Variants in ZRANB3 observed in about 807,000 individuals in gnomAD.
ZRANB3 encodes DNA annealing helicase and endonuclease ZRANB3.
ZRANB3 carries 125 observed loss-of-function variants against 133.8 expected under a neutral mutation model. The ratio of observed to expected loss-of-function variants is 0.93; its 90% CI spans 0.81 to 1.08. ZRANB3 has a LOEUF of 1.08. Ranked by LOEUF, ZRANB3 falls within the 50% of genes least tolerant of loss-of-function variation. ZRANB3 has a pLI of 0.00. For synonymous variants in ZRANB3, 387 were observed against 432.7 expected, an observed-to-expected ratio of 0.89 and a Z score of 1.31; for missense variants, 1,229 against 1,275.5, an observed-to-expected ratio of 0.96 and a Z score of 0.56.
At chr2:135,509,865 T>C (rs1162558795) in intron 1 of ZRANB3, among the ~76,000 whole-genome samples, 1 of 152,206 alleles carries the variant, frequency 6.6e-6, no homozygotes, top group Non-Finnish European at 1.5e-5. Context: ...AATTGTCAAA[T>C]TTTCCAAATT....
At chr2:135,218,755 T>G (rs1694419019) in intron 16 of ZRANB3, among the ~76,000 whole-genome samples, 1 of 152,146 alleles carries the variant, frequency 6.6e-6, no homozygotes, top group African/African-American at 2.4e-5. Flanking sequence ...TTAACCTTAA[T>G]AGAAAAAATG....
chr2:135,225,826 T>G (rs986676928), intron 14 of ZRANB3, among the ~76,000 whole-genome samples: 1 of 152,198 alleles, frequency 6.6e-6, no homozygotes, highest in South Asian at 2.1e-4. Context: ...ATATCTTATT[T>G]TCTTGTAAAG....
chr2:135,391,578 C>A (rs138146622), intron 2 of ZRANB3, among the ~76,000 whole-genome samples: 2,028 of 148,540 alleles, frequency 0.014, 34 homozygotes, highest in South Asian at 0.041. Flanking sequence ...GTTTTTATTT[C>A]TTTCTTTTTT....
At chr2:135,241,362 GTTCT>G (rs994235237) in intron 12 of ZRANB3, among the ~76,000 whole-genome samples, 7 of 119,048 alleles carry the variant, frequency 5.9e-5, no homozygotes, top group African/African-American at 2.3e-4. Context: ...GTTATTCTCT[GTTCT>G]TTTTTTTTTT....
chr2:135,513,612 G>C (rs567501961), intron 1 of ZRANB3, among the ~76,000 whole-genome samples: 1 of 152,234 alleles, frequency 6.6e-6, no homozygotes, highest in South Asian at 2.1e-4. Flanking sequence ...ACTTCAAGGA[G>C]AAAACACAAG....
At chr2:135,458,889 G>A (rs1346748055) in intron 2 of ZRANB3, among the ~76,000 whole-genome samples, 2 of 151,920 alleles carry the variant, frequency 1.3e-5, no homozygotes. Flanking sequence ...TATAAAAAGG[G>A]ACAGAAAGAA....
At chr2:135,501,399 C>A (rs1468649080) in intron 2 of ZRANB3, among the ~76,000 whole-genome samples, 1 of 152,072 alleles carries the variant, frequency 6.6e-6, no homozygotes, top group African/African-American at 2.4e-5. Flanking sequence ...CTAACAATAG[C>A]ACTATTATTC....
chr2:135,473,075 G>A (rs1691346740), intron 2 of ZRANB3, among the ~76,000 whole-genome samples: 1 of 152,048 alleles, frequency 6.6e-6, no homozygotes, highest in Non-Finnish European at 1.5e-5. Context: ...TCACTTTGTT[G>A]TGCAACCTTC....
In ZRANB3 at chr2:135,310,961, C is replaced by CAA. The variant is rs200752512; in HGVS notation, c.966+2526_966+2527dup. On this transcript the variant is annotated intron_variant, in intron 8 of 20. Transcript: ENST00000264159. ...CAAAAATTTCTTAGGACTCAAAATA[C>CAA]AAAAAAAAAAAGGAAGAAAAAAATT... 1.6e-3 allele frequency among the ~76,000 whole-genome samples: 181 copies of CAA among 114,922 alleles called. 1 individual carries two copies. Among genetic ancestry groups the CAA allele is most frequent in the African/African-American group, 5.0e-3 (164 of 32,770 alleles). The allele number at this position is 114,922 out of a possible 152,430, so 75.4% of individuals were successfully genotyped here.
chr2:135,200,689 A>C (rs1217090388), intron 20 of ZRANB3, among the ~76,000 whole-genome samples: 1 of 151,764 alleles, frequency 6.6e-6, no homozygotes, highest in Non-Finnish European at 1.5e-5. Context: ...CTTGCTACCC[A>C]GCAACAGCAT....
intron 2 of ZRANB3, among the ~76,000 whole-genome samples, chr2:135,402,490 T>C (rs570704659): frequency 6.6e-6 from 1 of 151,816 alleles, no homozygotes; most frequent in East Asian, 1.9e-4. Context: ...GAGATGGGGA[T>C]TCACCGTGTT....
At chr2:135,468,300 G>C (rs994996138) in intron 2 of ZRANB3, among the ~76,000 whole-genome samples, 10 of 152,098 alleles carry the variant, frequency 6.6e-5, no homozygotes, top group Admixed American at 2.0e-4. Flanking sequence ...TACCTGAAAT[G>C]ACCTCATAAA....
intron 3 of ZRANB3, chr2:135,355,303 C>T (rs1383477176): frequency 1.0e-6 from 1 of 982,884 alleles, no homozygotes; most frequent in Non-Finnish European, 1.2e-6. Context: ...ACTCAAACAT[C>T]ACTGGATTCT....
intron 12 of ZRANB3, among the ~76,000 whole-genome samples, chr2:135,262,247 C>T (rs896562804): frequency 2.4e-4 from 36 of 149,786 alleles, no homozygotes; most frequent in African/African-American, 4.4e-4. Flanking sequence ...CAATATTTGA[C>T]GGAATTACAT....
At chr2:135,249,751 T>C (rs1288335020) in intron 12 of ZRANB3, among the ~76,000 whole-genome samples, 1 of 152,228 alleles carries the variant, frequency 6.6e-6, no homozygotes, top group Non-Finnish European at 1.5e-5. Flanking sequence ...CGCTGCCATA[T>C]AAAGAAAGTG....
rs1693503478 is a variant in ZRANB3, at chr2:135,198,827, T to A, written c.*1515A>T. ...TGATCTCATACAATGAAATAGAAAC[T>A]GAGGAACAACTGTGGTTGTATAATC... On this transcript the variant is annotated 3_prime_UTR_variant, in exon 21 of 21. Coordinates refer to ENST00000264159, the MANE Select transcript of ZRANB3 (RefSeq NM_032143.4). 1 of 152,184 alleles carries A rather than the reference T, an allele frequency of 6.6e-6. No individual in the cohort carries two copies. The highest frequency in any genetic ancestry group is 2.4e-5 in the African/African-American group (1 of 41,440). 9.4% of individuals were successfully genotyped at this position (152,184 alleles called of 1,614,324 possible).
chr2:135,329,192 G>C (rs1181108794), intron 6 of ZRANB3, among the ~76,000 whole-genome samples: 1 of 152,106 alleles, frequency 6.6e-6, no homozygotes, highest in Non-Finnish European at 1.5e-5. Flanking sequence ...TATGGGTTTA[G>C]GTCTAACATG....
Position 135,265,659 on chromosome 2 carries a change from C to T in ZRANB3, c.1414G>A (p.Gly472Ser), listed in dbSNP as rs942358873. The T allele has an allele frequency of 1.2e-5, 19 of 1,613,346 alleles. No homozygotes were observed. Among genetic ancestry groups the T allele is most frequent in the African/African-American group, 8.0e-5 (6 of 74,858 alleles). Residue 472 changes from glycine to serine, a missense_variant, in exon 12 of 21, where the codon GGT becomes AGT. Coordinates refer to ENST00000264159, the MANE Select transcript of ZRANB3 (RefSeq NM_032143.4). ...TCAGCCTGAATTTTTTCTTTCCTACCGTTCAGTGTGCTCCCTGTAACTTGA... is the reference window on the plus strand; with the variant it reads ...TCAGCCTGAATTTTTTCTTTCCTACTGTTCAGTGTGCTCCCTGTAACTTGA... Reference protein sequence around the residue: ...KAQVTGSTLNGRKEKIQAEEG... With the variant: ...KAQVTGSTLNSRKEKIQAEEG...
intron 3 of ZRANB3, among the ~76,000 whole-genome samples, chr2:135,382,022 G>A (rs576651280): frequency 2.0e-5 from 3 of 152,182 alleles, no homozygotes; most frequent in East Asian, 1.9e-4. Context: ...AGAGAAGAAG[G>A]CTTCAGACGA....
Sources: allele counts gnomAD v4.1 joint callset (sites outside exome capture counted in the v4.1 genomes callset), GRCh38; gene constraint gnomAD v4.1.1; transcripts MANE v1.5; gene names NCBI Gene and HGNC (gene_info 2026-07-23, HGNC 2026-07-21).